THOC2: variants seen among roughly 807,000 people sequenced by gnomAD.
The protein encoded by THOC2 is THO complex 2.
In THOC2, 10 loss-of-function variants were observed where a neutral mutation model predicts 128.4. The observed-to-expected ratio is 0.08, with a 90% CI of 0.05 to 0.13. The LOEUF (loss-of-function observed/expected upper bound fraction) is 0.13. THOC2 is among the 10% of genes least tolerant of loss of function. THOC2 has a pLI of 1.00. For missense variants in THOC2, 535 were observed against 1,155.7 expected, an observed-to-expected ratio of 0.46 and a Z score of 7.79; for synonymous variants, 393 against 396.9, an observed-to-expected ratio of 0.99 and a Z score of 0.12.
At chrX:123,694,164 A>T (rs773178280) in intron 7 of THOC2, among the ~76,000 whole-genome samples, 100 of 103,476 alleles carry the variant, frequency 9.7e-4, no homozygotes, top group African/African-American at 3.6e-3. Context: ...ATATAAAGTT[A>T]AAAAAAAAAA....
chrX:123,630,778 G>A lies in THOC2; in HGVS notation c.2481+910C>T, dbSNP rs545122499. On this transcript the variant is annotated intron_variant, in intron 22 of 38. Transcript: ENST00000245838. ...AGAGGCTTTCACTCAAGAAGCAAAA[G>A]CAAGGATCCCCAGGACAGCTTGGAT... is the stretch of plus-strand genomic sequence containing the variant. Among the ~76,000 whole-genome samples, 16 of 111,274 alleles carry A rather than the reference G, an allele frequency of 1.4e-4. No individual in the cohort carries two copies. In the South Asian group the frequency reaches 6.1e-3, roughly 43 times the overall value.
rs762875859 is a variant in THOC2, at chrX:123,667,181, T to C, written c.1115A>G (p.Tyr372Cys). The C allele has an allele frequency of 2.5e-6, 3 of 1,203,331 alleles. No homozygotes were observed. The highest frequency in any genetic ancestry group is 3.0e-5 in the East Asian group (1 of 33,681). The change falls in exon 11 of 39, where the codon TAT becomes TGT. Residue 372 changes from tyrosine (Y) to cysteine (C), a missense_variant. By Grantham distance (194) the Tyr-to-Cys change is radical. Transcript: ENST00000245838. ...GGCTATTAGCTTGTGTGAAGCTGCA[T>C]AGTATGGAGGCATCTGATCCATAAT... ...QNIMDQMPPY[Y>C]AASHKLIALA...
intron 29 of THOC2, 79 bp downstream of exon 29, chrX:123,623,026 G>A: frequency 9.9e-7 from 1 of 1,013,214 alleles, no homozygotes; most frequent in Non-Finnish European, 1.3e-6. Flanking sequence ...AGCCAGCATT[G>A]TACTCGTTCT....
intron 1 of THOC2, among the ~76,000 whole-genome samples, chrX:123,728,944 T>C (rs1234109579): frequency 3.6e-5 from 4 of 111,769 alleles, no homozygotes; most frequent in Non-Finnish European, 7.5e-5. Flanking sequence ...TCCATTAAGG[T>C]TGCCTGTAAC....
rs900974625 is a variant in THOC2, at chrX:123,601,018, T to C, written c.*339A>G. Reference sequence around the variant, plus strand: ...AAAAGGAAGCATTTCAGAATGGAAATAAAAACTGAACCCAGGCAATATTTA... The same window carrying C: ...AAAAGGAAGCATTTCAGAATGGAAACAAAAACTGAACCCAGGCAATATTTA... On this transcript the variant is annotated 3_prime_UTR_variant, in exon 39 of 39. Transcript: ENST00000245838. The C allele has an allele frequency of 8.9e-6, 1 of 112,484 alleles. No individual in the cohort carries two copies. The highest frequency in any genetic ancestry group is 9.4e-5 in the Admixed American group (1 of 10,588). The allele number at this position is 112,484 out of a possible 1,213,427, so 9.3% of individuals were successfully genotyped here. A position where few individuals can be genotyped will look rare whatever the true frequency, so the allele number is the denominator to read the frequency against.
chrX:123,708,404 AAG>A (rs1044032801), intron 2 of THOC2, among the ~76,000 whole-genome samples: 2 of 112,118 alleles, frequency 1.8e-5, no homozygotes, highest in East Asian at 5.5e-4. Flanking sequence ...TCGCAGGTAT[AAG>A]AGGTCAACTT....
chrX:123,625,349 C>T (rs1029467442), intron 25 of THOC2, among the ~76,000 whole-genome samples: 3 of 111,561 alleles, frequency 2.7e-5, no homozygotes, highest in African/African-American at 6.5e-5. Context: ...CCACCCGCCT[C>T]GGCCTCCCGA....
At chrX:123,650,064 CG>C (rs2048294475) in intron 12 of THOC2, among the ~76,000 whole-genome samples, 1 of 111,581 alleles carries the variant, frequency 9.0e-6, no homozygotes, top group Non-Finnish European at 1.9e-5. Context: ...AGAGAAAGGT[CG>C]GGTTACCCAC....
At chrX:123,622,659 C>A in intron 30 of THOC2, 99 bp downstream of exon 30, 3 of 574,011 alleles carry the variant, frequency 5.2e-6, no homozygotes, top group South Asian at 3.6e-5. Context: ...TCGAGACCAG[C>A]CTGGGCAACA....
At chrX:123,695,186 T>C (rs1039175310) in intron 7 of THOC2, among the ~76,000 whole-genome samples, 6 of 111,125 alleles carry the variant, frequency 5.4e-5, no homozygotes, top group Non-Finnish European at 9.4e-5. Flanking sequence ...AAGATACAAC[T>C]AGTGAGGCAC....
At chrX:123,621,061 C>CA (rs2047065178) in intron 31 of THOC2, 96 bp from the exon 32 acceptor site, 2 of 1,184,620 alleles carry the variant, frequency 1.7e-6, no homozygotes, top group Non-Finnish European at 1.1e-6. Flanking sequence ...GTTCCCCTAG[C>CA]AAAACCCCTA....
At chrX:123,670,062 C>G (rs937865530) in intron 9 of THOC2, among the ~76,000 whole-genome samples, 1 of 112,224 alleles carries the variant, frequency 8.9e-6, no homozygotes, top group East Asian at 2.8e-4. Flanking sequence ...CTATACTTCC[C>G]TCTAAAGTCA....
At chrX:123,619,757 T>C (rs1357050183) in intron 32 of THOC2, 3 of 159,672 alleles carry the variant, frequency 1.9e-5, no homozygotes, top group Non-Finnish European at 3.6e-5. Flanking sequence ...GCAAAACATT[T>C]TTTTCTCCAC....
At chrX:123,690,393 T>A (rs1173514694) in intron 7 of THOC2, among the ~76,000 whole-genome samples, 1 of 112,147 alleles carries the variant, frequency 8.9e-6, no homozygotes, top group Non-Finnish European at 1.9e-5. Context: ...GAAGCCTGAA[T>A]AAAGCTGAAA....
chrX:123,691,140 A>G (rs2050207013), intron 7 of THOC2, among the ~76,000 whole-genome samples: 1 of 111,901 alleles, frequency 8.9e-6, no homozygotes, highest in Middle Eastern at 4.2e-3. Context: ...TGAGTCCAAA[A>G]GGCAGATGTT....
In THOC2 at chrX:123,667,264, T is replaced by C. The variant is rs750893133; in HGVS notation, c.1032A>G (p.Gln344=). 2.5e-6 allele frequency: 3 copies of C among 1,200,825 alleles called. No homozygotes were observed. The highest frequency in any genetic ancestry group is 3.7e-5 in the South Asian group (2 of 54,547). ...EEKVEKPPDN[Q]KLGLLEALLK... ...ATAAGGCTTCCAACAAGCCAAGTTT[T>C]TGGTTATCAGGTGGCTAAAAATGAA... Residue 344 remains glutamine, a synonymous_variant, in exon 11 of 39, where the codon CAA becomes CAG. Coordinates refer to ENST00000245838, the MANE Select transcript of THOC2 (RefSeq NM_001081550.2).
chrX:123,611,863 G>A (rs1716093921), intron 36 of THOC2, among the ~76,000 whole-genome samples: 1 of 107,447 alleles, frequency 9.3e-6, no homozygotes, highest in Non-Finnish European at 1.9e-5. Context: ...AATGGTCAAG[G>A]TATCTGAACA....
At chrX:123,686,797 T>C (rs1383917186) in intron 7 of THOC2, 83 bp from the exon 8 acceptor site, 2 of 776,109 alleles carry the variant, frequency 2.6e-6, no homozygotes, top group Non-Finnish European at 3.6e-6. Context: ...GAATAACTCA[T>C]ATAGCAAGAT....
At chrX:123,732,691 A>G (rs2052329157) in intron 1 of THOC2, among the ~76,000 whole-genome samples, 1 of 111,978 alleles carries the variant, frequency 8.9e-6, no homozygotes, top group African/African-American at 3.2e-5. Context: ...CAGGGGCGGA[A>G]TAAGAGTTCT....
Sources: allele counts gnomAD v4.1 joint callset (sites outside exome capture counted in the v4.1 genomes callset), GRCh38; gene constraint gnomAD v4.1.1; transcripts MANE v1.5; gene names NCBI Gene and HGNC (gene_info 2026-07-23, HGNC 2026-07-21).